The following CNBD1 variants were observed in gnomAD, a reference collection of about 807,000 sequenced individuals.
CNBD1 encodes cyclic nucleotide-binding domain-containing protein 1.
CNBD1 carries 71 observed loss-of-function variants against 54.4 expected under a neutral mutation model. The ratio of observed to expected loss-of-function variants is 1.30; its 90% confidence interval spans 1.08 to 1.59. The LOEUF is 1.59. Ranked by LOEUF, CNBD1 falls within the 40% of genes most tolerant of loss-of-function variation. The pLI, the probability that CNBD1 is intolerant of heterozygous loss-of-function variation, is 0.00. For synonymous variants in CNBD1, 182 were observed against 170.7 expected (o/e 1.07, Z -0.51); for missense variants, 659 against 518.0 (o/e 1.27, Z -2.64).
At chr8:87,338,708 A>G (rs920249727) in intron 8 of CNBD1, among the ~76,000 whole-genome samples, 3 of 146,480 alleles carry the variant, frequency 2.0e-5, no homozygotes, top group South Asian at 2.1e-4. Context: ...TTTTGCAGCT[A>G]TCTTGTTTGG....
intron 4 of CNBD1, among the ~76,000 whole-genome samples, chr8:87,125,490 A>G (rs1409427917): frequency 6.6e-6 from 1 of 151,772 alleles, no homozygotes; most frequent in Non-Finnish European, 1.5e-5. Context: ...TTTATAGTCA[A>G]AATATTTTTG....
chr8:87,372,329 T>A (rs1810828550), intron 10 of CNBD1, among the ~76,000 whole-genome samples: 1 of 152,006 alleles, frequency 6.6e-6, no homozygotes, highest in East Asian at 1.9e-4. Context: ...TGTAGATATC[T>A]TTTAGTTTAT....
Position 87,278,212 on chromosome 8 carries a change from A to G in CNBD1, c.772-6466A>G, listed in dbSNP as rs551361556. ...TGAGAAATGAAAAATTCTGATAAGT[A>G]TGCAATTAAAAGCCCAACACAAGGA... On this transcript the variant is annotated intron_variant, in intron 6 of 10. Transcript: ENST00000518476. Among the ~76,000 whole-genome samples the G allele has an allele frequency of 1.2e-3, 178 of 151,766 alleles. 1 individual carries two copies. Among genetic ancestry groups the G allele is most frequent in the Middle Eastern group, 6.8e-3 (2 of 294 alleles).
intron 4 of CNBD1, among the ~76,000 whole-genome samples, chr8:87,160,779 A>C (rs1812841783): frequency 1.3e-5 from 2 of 152,086 alleles, no homozygotes; most frequent in African/African-American, 2.4e-5. Context: ...TTTAAAAAAA[A>C]CAGAAAATAC....
chr8:87,344,734 T>C (rs1018546580), intron 8 of CNBD1, among the ~76,000 whole-genome samples: 5 of 152,168 alleles, frequency 3.3e-5, no homozygotes, highest in African/African-American at 1.2e-4. Flanking sequence ...ACTGTACACT[T>C]GGTACAAGTG....
At chr8:87,216,779 G>A (rs899160178) in intron 5 of CNBD1, among the ~76,000 whole-genome samples, 1 of 152,062 alleles carries the variant, frequency 6.6e-6, no homozygotes. Flanking sequence ...ATTTTTCCAT[G>A]AATAAAATTA....
intron 5 of CNBD1, among the ~76,000 whole-genome samples, chr8:87,208,432 CTTATA>C (rs1327698124): frequency 6.6e-6 from 1 of 151,568 alleles, no homozygotes; most frequent in Non-Finnish European, 1.5e-5. Context: ...TATATGAGTA[CTTATA>C]TTAAAATTAC....
intron 8 of CNBD1, among the ~76,000 whole-genome samples, chr8:87,310,877 G>A (rs932538507): frequency 2.6e-5 from 4 of 152,032 alleles, no homozygotes; most frequent in African/African-American, 9.7e-5. Flanking sequence ...ATAAGCAATG[G>A]TACTGGGATA....
chr8:87,092,724 T>C (rs1355138806), intron 4 of CNBD1, among the ~76,000 whole-genome samples: 1 of 152,084 alleles, frequency 6.6e-6, no homozygotes, highest in Non-Finnish European at 1.5e-5. Context: ...CTTCAGTTTT[T>C]GCTAGGTCAC....
chr8:87,304,490 G>A (rs1452306529), intron 8 of CNBD1, among the ~76,000 whole-genome samples: 2 of 151,958 alleles, frequency 1.3e-5, no homozygotes, highest in Non-Finnish European at 2.9e-5. Context: ...CTGTTGTGGG[G>A]TGGGGTGAGG....
intron 2 of CNBD1, among the ~76,000 whole-genome samples, chr8:87,416,448 T>C (rs1347003549): frequency 6.6e-6 from 1 of 152,042 alleles, no homozygotes; most frequent in Non-Finnish European, 1.5e-5. Flanking sequence ...GCTTGTCCTA[T>C]AGCCACATTC....
rs576148404 is a variant in CNBD1, at chr8:87,230,117, A to G, written c.578-6802A>G. On this transcript the variant is annotated intron_variant, in intron 5 of 10. Coordinates refer to ENST00000518476, the MANE Select transcript of CNBD1 (RefSeq NM_173538.3). Reference sequence around the variant, plus strand: ...CTTTATATAGCTGAGAGCAGGAGGAACAGAGAGAAGAGGGAGGTGCCACAT... The same window carrying G: ...CTTTATATAGCTGAGAGCAGGAGGAGCAGAGAGAAGAGGGAGGTGCCACAT... Among the ~76,000 whole-genome samples, 512 of 152,296 alleles carry G rather than the reference A, an allele frequency of 3.4e-3. 1 individual carries two copies. The highest frequency in any genetic ancestry group is 5.3e-3 in the Non-Finnish European group (361 of 68,028).
At chr8:87,395,859 G>A (rs144925187) in intron 2 of CNBD1, among the ~76,000 whole-genome samples, 80 of 151,996 alleles carry the variant, frequency 5.3e-4, no homozygotes, top group African/African-American at 1.9e-3. Context: ...GTTATAGTGA[G>A]TGAGTTCTCA....
chr8:87,410,620 G>A (rs1454914160), intron 2 of CNBD1, among the ~76,000 whole-genome samples: 3 of 152,144 alleles, frequency 2.0e-5, no homozygotes, highest in African/African-American at 4.8e-5. Context: ...ACTTAGTGAA[G>A]CAATGACAGG....
chr8:87,381,408 G>A (rs1024654963), intron 10 of CNBD1, among the ~76,000 whole-genome samples: 10 of 151,914 alleles, frequency 6.6e-5, no homozygotes, highest in Admixed American at 5.9e-4. Flanking sequence ...GGAGAAATTG[G>A]ACTTTTTGCA....
rs537176746 is a variant in CNBD1, at chr8:86,939,171, T to C, written c.273-425T>C. ...TGGTGGCTATCTTCCAAGATGTTTATAGATTACCAGTGGTAAATAAAAGTT... is the reference window on the plus strand; with the variant it reads ...TGGTGGCTATCTTCCAAGATGTTTACAGATTACCAGTGGTAAATAAAAGTT... On this transcript the variant is annotated intron_variant, in intron 3 of 10. Coordinates refer to ENST00000518476, the MANE Select transcript of CNBD1 (RefSeq NM_173538.3). 2.0e-5 allele frequency among the ~76,000 whole-genome samples: 3 copies of C among 152,256 alleles called. No homozygotes were observed. The South Asian group carries it at 6.2e-4, about 32-fold the overall frequency.
At chr8:86,879,887 A>AAG (rs1808578949) in intron 1 of CNBD1, among the ~76,000 whole-genome samples, 1 of 151,158 alleles carries the variant, frequency 6.6e-6, no homozygotes, top group Non-Finnish European at 1.5e-5. Flanking sequence ...AAAGGAAAAA[A>AAG]GAAAGACGGA....
At chr8:87,375,074 T>A (rs1182973904) in intron 10 of CNBD1, among the ~76,000 whole-genome samples, 3 of 151,916 alleles carry the variant, frequency 2.0e-5, no homozygotes, top group Non-Finnish European at 2.9e-5. Flanking sequence ...CAAAAATAAT[T>A]ATACAGTACA....
chr8:86,938,437 A>G (rs1425088473), intron 3 of CNBD1, among the ~76,000 whole-genome samples: 3 of 151,844 alleles, frequency 2.0e-5, no homozygotes, highest in Non-Finnish European at 2.9e-5. Flanking sequence ...TAATAAAGAC[A>G]TACCCAAAAC....
Sources: gnomAD v4.1 joint callset for allele counts (sites outside exome capture counted in the v4.1 genomes callset) on GRCh38, gnomAD v4.1.1 for gene constraint, MANE v1.5 for transcripts, NCBI Gene and HGNC (gene_info 2026-07-23, HGNC 2026-07-21) for gene names.